The following ERC1 variants were observed in gnomAD, a reference collection of about 807,000 sequenced individuals.
The protein encoded by ERC1 is ELKS/RAB6-interacting/CAST family member 1.
ERC1 carries 56 observed loss-of-function variants against 132.0 expected under a neutral mutation model. The ratio of observed to expected loss-of-function variants is 0.42; its 90% CI spans 0.34 to 0.53. ERC1 has a LOEUF of 0.53. Ranked by LOEUF, ERC1 falls within the 20% of genes least tolerant of loss-of-function variation. The pLI, the probability that ERC1 is intolerant of heterozygous loss-of-function variation, is 0.03. For missense variants in ERC1, 1,202 were observed against 1,349.9 expected (o/e 0.89, Z 1.72); for synonymous variants, 478 against 476.1 (o/e 1.00, Z -0.05).
chr12:1,083,246 G>C lies in ERC1; in HGVS notation c.752G>C (p.Ser251Thr), dbSNP rs577830449. Residue 251 changes from serine to threonine, a missense_variant, in exon 3 of 19, where the codon AGC becomes ACC. By Grantham distance (58) the Ser-to-Thr change is moderately conservative. Transcript: ENST00000360905. Reference sequence around the variant, plus strand: ...AATCAGCTGTTTCAGCAGGATAGTAGCAGCAGGACTGGCGAACCTTGTGTA... The same window carrying C: ...AATCAGCTGTTTCAGCAGGATAGTACCAGCAGGACTGGCGAACCTTGTGTA... ...DLNQLFQQDS[S>T]SRTGEPCVAE... 222 of 1,614,174 alleles carry C rather than the reference G, an allele frequency of 1.4e-4. 2 individuals are homozygous for C. In the South Asian group the frequency reaches 2.3e-3, roughly 17 times the overall value.
chr12:1,358,959 G>A (rs12305871), intron 15 of ERC1, among the ~76,000 whole-genome samples: 44,023 of 152,002 alleles, frequency 0.29, 6,640 homozygotes, highest in Middle Eastern at 0.35. Context: ...TTCTTACATC[G>A]ACAAAGATAA....
intron 15 of ERC1, among the ~76,000 whole-genome samples, chr12:1,291,398 A>G (rs950937025): frequency 6.6e-6 from 1 of 152,338 alleles, no homozygotes; most frequent in East Asian, 1.9e-4. Context: ...ACTGTTGGCA[A>G]TGACACTAGA....
chr12:1,091,067 T>G (rs541268052), intron 3 of ERC1, among the ~76,000 whole-genome samples: 53 of 152,218 alleles, frequency 3.5e-4, no homozygotes, highest in African/African-American at 1.2e-3. Context: ...TTTTGTATTT[T>G]TAGTAGAGAT....
chr12:1,030,951 T>C (rs1802250231), intron 2 of ERC1, among the ~76,000 whole-genome samples: 1 of 152,168 alleles, frequency 6.6e-6, no homozygotes, highest in South Asian at 2.1e-4. Flanking sequence ...TTGATGATCT[T>C]TGCACAGTGA....
chr12:1,065,846 A>G (rs1272663952), intron 2 of ERC1, among the ~76,000 whole-genome samples: 1 of 152,182 alleles, frequency 6.6e-6, no homozygotes, highest in Non-Finnish European at 1.5e-5. Context: ...AAAGGAATGA[A>G]GTTCTGATAC....
chr12:1,452,420 T>C (rs1050294975), intron 18 of ERC1, among the ~76,000 whole-genome samples: 1 of 152,208 alleles, frequency 6.6e-6, no homozygotes, highest in Admixed American at 6.5e-5. Flanking sequence ...TGTGTTTTTC[T>C]GTATATCTAT....
intron 12 of ERC1, among the ~76,000 whole-genome samples, chr12:1,198,950 G>GT (rs1956607542): frequency 1.4e-5 from 2 of 144,048 alleles, no homozygotes; most frequent in East Asian, 4.0e-4. Context: ...AGTTCAACAT[G>GT]AGATTTGGGT....
intron 16 of ERC1, chr12:1,387,099 TC>T (rs1271999891): frequency 9.4e-6 from 1 of 106,602 alleles, no homozygotes; most frequent in Non-Finnish European, 1.7e-5. Flanking sequence ...CATATACTGG[TC>T]CCACCGTTGT....
chr12:1,330,730 T>G (rs1038294057), intron 15 of ERC1, among the ~76,000 whole-genome samples: 1 of 152,208 alleles, frequency 6.6e-6, no homozygotes, highest in Non-Finnish European at 1.5e-5. Context: ...TCCTTCTATT[T>G]TGGAAAATTA....
At chr12:1,096,100 G>A (rs1340821590) in intron 3 of ERC1, among the ~76,000 whole-genome samples, 1 of 152,016 alleles carries the variant, frequency 6.6e-6, no homozygotes, top group Non-Finnish European at 1.5e-5. Context: ...CTAGTTTTAT[G>A]TGTTTTTCAT....
intron 1 of ERC1, among the ~76,000 whole-genome samples, chr12:1,025,794 G>GTTTTTTTTTTTT: frequency 7.8e-6 from 1 of 127,608 alleles, no homozygotes; most frequent in Admixed American, 8.0e-5. Context: ...AAAAAGGAAA[G>GTTTTTTTTTTTT]TTTTTTTTTT....
intron 13 of ERC1, among the ~76,000 whole-genome samples, chr12:1,240,049 C>G (rs181734219): frequency 5.4e-4 from 83 of 152,298 alleles, no homozygotes; most frequent in Admixed American, 1.2e-3. Context: ...TCAAAGACTA[C>G]TGGGGTCATA....
intron 1 of ERC1, 98 bp from the exon 2 acceptor site, chr12:1,027,650 A>G (rs1026533631): frequency 6.1e-6 from 3 of 489,866 alleles, no homozygotes; most frequent in African/African-American, 1.9e-5. Flanking sequence ...CATACATGGT[A>G]GAAGGGCTAG....
At chr12:1,440,726 C>T (rs1186951850) in intron 17 of ERC1, among the ~76,000 whole-genome samples, 2 of 150,070 alleles carry the variant, frequency 1.3e-5, no homozygotes, top group Admixed American at 1.3e-4. Context: ...CAGCTCACTG[C>T]AACCTCCACC....
At chr12:1,222,355 G>A (rs930078382) in intron 12 of ERC1, among the ~76,000 whole-genome samples, 10 of 151,856 alleles carry the variant, frequency 6.6e-5, no homozygotes, top group Middle Eastern at 6.8e-3. Context: ...TCAGACTCCT[G>A]AGTAGCTGGG....
chr12:1,355,622 T>A (rs1345688547), intron 15 of ERC1, among the ~76,000 whole-genome samples: 2 of 152,268 alleles, frequency 1.3e-5, no homozygotes, highest in African/African-American at 4.8e-5. Flanking sequence ...AATAGCTATG[T>A]ATGCCAGAGG....
Position 1,200,740 on chromosome 12 carries a change from A to G in ERC1, c.2351+10688A>G, listed in dbSNP as rs150653482. Among the ~76,000 whole-genome samples the G allele has an allele frequency of 4.5e-3, 689 of 151,976 alleles. 5 individuals carry two copies. Among genetic ancestry groups the G allele is most frequent in the African/African-American group, 0.016 (647 of 41,462 alleles). ...CAGCCGGCTAGTTTTTTGTATTTTT[A>G]GTAGAGATGGGGTTTCACCGTGTTA... On this transcript the variant is annotated intron_variant, in intron 12 of 18. Coordinates refer to ENST00000360905, the MANE Select transcript of ERC1 (RefSeq NM_178040.4).
intron 15 of ERC1, among the ~76,000 whole-genome samples, chr12:1,361,594 ACCTATATCTAAAAACTTAG>A (rs1342762275): frequency 4.6e-5 from 7 of 152,080 alleles, no homozygotes; most frequent in African/African-American, 1.7e-4. Flanking sequence ...TAAAACTAAG[ACCTATATCTAAAAACTTAG>A]CCTAAATTCG....
chr12:1,340,660 C>T (rs766422474), intron 15 of ERC1, among the ~76,000 whole-genome samples: 1 of 152,158 alleles, frequency 6.6e-6, no homozygotes, highest in Admixed American at 6.5e-5. Flanking sequence ...GTGTTCCCTC[C>T]ATCCACTCTC....
Sources: allele counts gnomAD v4.1 joint callset (sites outside exome capture counted in the v4.1 genomes callset), GRCh38; gene constraint gnomAD v4.1.1; transcripts MANE v1.5; gene names NCBI Gene and HGNC (gene_info 2026-07-23, HGNC 2026-07-21).